The following RBFOX1 variants were observed in gnomAD, a reference collection of about 807,000 sequenced individuals.
RBFOX1 encodes RNA binding fox-1 homolog 1.
In RBFOX1, 8 loss-of-function variants were observed where a neutral mutation model predicts 57.7. That is an observed-to-expected ratio of 0.14 (90% CI 0.08 to 0.25). RBFOX1 has a LOEUF of 0.25. Among genes scored for constraint, RBFOX1 ranks in the 10% least tolerant of loss-of-function variants. The pLI, the probability that RBFOX1 is intolerant of heterozygous loss-of-function variation, is 1.00. For synonymous variants in RBFOX1, 326 were observed against 222.4 expected, an observed-to-expected ratio of 1.47 and a Z score of -4.15; for missense variants, 611 against 548.5, an observed-to-expected ratio of 1.11 and a Z score of -1.14.
At chr16:7,192,311 TA>T (rs1384476982) in intron 4 of RBFOX1, among the ~76,000 whole-genome samples, 4 of 152,182 alleles carry the variant, frequency 2.6e-5, no homozygotes, top group African/African-American at 9.7e-5. Context: ...GAAAATGTCA[TA>T]TTCAGTGGAG....
intron 14 of RBFOX1, among the ~76,000 whole-genome samples, chr16:7,692,463 A>G (rs1476724731): frequency 6.6e-6 from 1 of 152,178 alleles, no homozygotes; most frequent in East Asian, 1.9e-4. Flanking sequence ...AAATGCATTT[A>G]TCTTGGTTCT....
chr16:5,532,581 C>T (rs995658320), intron 2 of RBFOX1, among the ~76,000 whole-genome samples: 5 of 152,178 alleles, frequency 3.3e-5, no homozygotes, highest in Admixed American at 6.5e-5. Context: ...CACAGAGCAG[C>T]ACTGGGTTAT....
At chr16:7,074,779 A>T (rs1411996372) in intron 4 of RBFOX1, among the ~76,000 whole-genome samples, 1 of 152,244 alleles carries the variant, frequency 6.6e-6, no homozygotes, top group African/African-American at 2.4e-5. Context: ...AACATTATAA[A>T]GAAATGCTTA....
chr16:6,372,924 G>T (rs923511919), intron 2 of RBFOX1, among the ~76,000 whole-genome samples: 1 of 123,044 alleles, frequency 8.1e-6, no homozygotes, highest in Non-Finnish European at 1.8e-5. Flanking sequence ...GGTTAGGATT[G>T]TTGGGTAGGA....
intron 3 of RBFOX1, among the ~76,000 whole-genome samples, chr16:5,620,760 C>G (rs1268873435): frequency 3.9e-5 from 6 of 152,302 alleles, no homozygotes; most frequent in South Asian, 4.1e-4. Flanking sequence ...CTTGCTGCAG[C>G]CTTGACTTCC....
At chr16:5,898,367 A>G (rs1262874680) in intron 4 of RBFOX1, among the ~76,000 whole-genome samples, 1 of 152,242 alleles carries the variant, frequency 6.6e-6, no homozygotes, top group East Asian at 1.9e-4. Context: ...CTTCTACCTG[A>G]GAAGTAGGGA....
intron 3 of RBFOX1, among the ~76,000 whole-genome samples, chr16:6,857,644 C>T (rs976236293): frequency 2.6e-5 from 4 of 152,096 alleles, no homozygotes; most frequent in Admixed American, 6.6e-5. Flanking sequence ...GTGTAAGATG[C>T]CCCTAAGGCT....
chr16:6,444,633 C>A (rs371012437), intron 2 of RBFOX1, among the ~76,000 whole-genome samples: 2 of 149,786 alleles, frequency 1.3e-5, no homozygotes, highest in South Asian at 2.1e-4. Context: ...TCCATTAAAC[C>A]TTTTTTTTTT....
intron 4 of RBFOX1, among the ~76,000 whole-genome samples, chr16:7,479,851 T>C (rs1185922588): frequency 6.6e-6 from 1 of 152,214 alleles, no homozygotes; most frequent in Non-Finnish European, 1.5e-5. Flanking sequence ...CCCTCAATAA[T>C]TTGTTTTAAT....
chr16:6,968,826 T>G (rs2084876887), intron 3 of RBFOX1, among the ~76,000 whole-genome samples: 1 of 151,986 alleles, frequency 6.6e-6, no homozygotes, highest in Non-Finnish European at 1.5e-5. Context: ...TTTTTGTTTT[T>G]TTTTTTTTAA....
At chr16:6,744,386 G>C (rs1308910640) in intron 3 of RBFOX1, among the ~76,000 whole-genome samples, 1 of 151,948 alleles carries the variant, frequency 6.6e-6, no homozygotes, top group Non-Finnish European at 1.5e-5. Flanking sequence ...TCCTAAAATA[G>C]CAGGATACAT....
intron 2 of RBFOX1, among the ~76,000 whole-genome samples, chr16:6,320,280 A>T (rs1427474846): frequency 4.6e-5 from 7 of 152,108 alleles, no homozygotes; most frequent in Admixed American, 4.6e-4. Flanking sequence ...TCCATCTCTA[A>T]TTCCCTACAT....
intron 4 of RBFOX1, among the ~76,000 whole-genome samples, chr16:7,248,532 C>T (rs983556045): frequency 6.6e-5 from 10 of 152,142 alleles, no homozygotes; most frequent in Admixed American, 5.9e-4. Flanking sequence ...TTAATTTCAC[C>T]CATCACAGAT....
intron 1 of RBFOX1, among the ~76,000 whole-genome samples, chr16:5,423,898 T>C (rs781129982): frequency 2.6e-5 from 4 of 152,082 alleles, no homozygotes; most frequent in Non-Finnish European, 2.9e-5. Flanking sequence ...CATCTCAGAG[T>C]AGTTTAGAAA....
intron 2 of RBFOX1, among the ~76,000 whole-genome samples, chr16:5,482,661 C>T (rs2069586026): frequency 1.3e-5 from 2 of 152,194 alleles, no homozygotes; most frequent in Admixed American, 6.5e-5. Context: ...ATTAAGGATG[C>T]CTGCTAGGGG....
At chr16:6,202,242 A>G (rs980248775) in intron 1 of RBFOX1, among the ~76,000 whole-genome samples, 1 of 152,184 alleles carries the variant, frequency 6.6e-6, no homozygotes, top group East Asian at 1.9e-4. Flanking sequence ...CTGTGTCTCT[A>G]CTGTTCTCTT....
At chr16:6,202,982 C>T (rs947234862) in intron 1 of RBFOX1, among the ~76,000 whole-genome samples, 1 of 151,932 alleles carries the variant, frequency 6.6e-6, no homozygotes, top group African/African-American at 2.4e-5. Flanking sequence ...CACTTTGTTG[C>T]CAAGGCTGGT....
At chr16:5,360,578 C>T (rs1033306119) in intron 1 of RBFOX1, among the ~76,000 whole-genome samples, 3 of 152,120 alleles carry the variant, frequency 2.0e-5, no homozygotes, top group African/African-American at 7.2e-5. Context: ...AGGGAAAGAT[C>T]TGGATGTGTA....
chr16:6,620,456 C>T (rs145384079), intron 2 of RBFOX1, among the ~76,000 whole-genome samples: 2 of 152,074 alleles, frequency 1.3e-5, no homozygotes, highest in African/African-American at 4.8e-5. Context: ...CAAGAGCAAA[C>T]AAATCCCAAA....
Sources: gnomAD v4.1 joint callset for allele counts (sites outside exome capture counted in the v4.1 genomes callset) on GRCh38, gnomAD v4.1.1 for gene constraint, MANE v1.5 for transcripts, NCBI Gene and HGNC (gene_info 2026-07-23, HGNC 2026-07-21) for gene names.